The following KLRD1 variants were observed in gnomAD, a reference collection of about 807,000 sequenced individuals.
KLRD1 encodes killer cell lectin like receptor D1.
KLRD1 carries 21 observed loss-of-function variants against 22.6 expected under a neutral mutation model. That is an observed-to-expected ratio of 0.93 (90% CI 0.66 to 1.34). The LOEUF (loss-of-function observed/expected upper bound fraction) is 1.34. Ranked by LOEUF, KLRD1 falls within the 40% of genes most tolerant of loss-of-function variation. The probability of loss-of-function intolerance (pLI) is 0.00; values close to 1 mark genes in which losing one functional copy is unlikely to be tolerated. For synonymous variants in KLRD1, 59 were observed against 71.1 expected (o/e 0.83, Z 0.85); for missense variants, 183 against 208.6 (o/e 0.88, Z 0.76).
At position 10,277,319 on chromosome 12, in the gene KLRD1, G is replaced by A. The variant is rs151051448; in HGVS notation, c.-100-30659G>A. 4.5e-4 allele frequency among the ~76,000 whole-genome samples: 69 copies of A among 151,868 alleles called. No individual in the cohort carries two copies. The Middle Eastern group carries it at 0.01, about 22-fold the overall frequency. On this transcript the variant is annotated intron_variant, in intron 1 of 5. Transcript: ENST00000544747. ...GAGCTAAGAAAAGCAAGGAGGAAGC[G>A]GAAAAGGGAAAAATATAAACAAATG... is the stretch of plus-strand genomic sequence containing the variant.
chr12:10,260,102 CATTCCCATCT>C lies in KLRD1; in HGVS notation c.-101+33870_-101+33879del, dbSNP rs1190344040. 1.8e-4 allele frequency among the ~76,000 whole-genome samples: 3 copies of C among 16,436 alleles called. No homozygotes were observed. The Non-Finnish European group carries it at 0.014, about 78-fold the overall frequency. 10.8% of individuals were successfully genotyped at this position (16,436 alleles called of 152,430 possible). On this transcript the variant is annotated intron_variant, in intron 1 of 5. Coordinates refer to the KLRD1 transcript ENST00000544747. ...ATGGAGTATAACTAGATGCTCATATCATTCCCATCTGTATAACTAAATGCTCATATCATTC... is the reference window on the plus strand; with the variant it reads ...ATGGAGTATAACTAGATGCTCATATCGTATAACTAAATGCTCATATCATTC...
chr12:10,309,588 C>A, intron 2 of KLRD1, 38 bp from the exon 3 acceptor site: 1 of 1,464,902 alleles, frequency 6.8e-7, no homozygotes, highest in South Asian at 1.1e-5. Context: ...TTCATAAACC[C>A]ATACCTAATT....
At position 10,328,669 on chromosome 12, in the gene KLRD1, T is replaced by C. The variant is rs936899847; in HGVS notation, c.*13876T>C. ...TCTGAACTAATCTTTATTATTTTCTTTATTCTTCTAAATTTGAACTTTGTT... is the reference window on the plus strand; with the variant it reads ...TCTGAACTAATCTTTATTATTTTCTCTATTCTTCTAAATTTGAACTTTGTT... On this transcript the variant is annotated 3_prime_UTR_variant, in exon 6 of 6. Transcript: ENST00000336164. 2.0e-5 allele frequency: 3 copies of C among 152,222 alleles called. No individual in the cohort carries two copies. The highest frequency in any genetic ancestry group is 7.2e-5 in the African/African-American group (3 of 41,462). The allele number at this position is 152,222 out of a possible 1,614,324, so 9.4% of individuals were successfully genotyped here.
intron 1 of KLRD1, among the ~76,000 whole-genome samples, chr12:10,248,567 T>C (rs12305994): frequency 7.3e-6 from 1 of 137,654 alleles, no homozygotes; most frequent in Non-Finnish European, 1.5e-5. Context: ...CCTTCCTTCC[T>C]TCCTTCCTTC....
In KLRD1 at chr12:10,328,484, G is replaced by T. The variant is rs1011314679; in HGVS notation, c.*13691G>T. 3.9e-5 allele frequency: 6 copies of T among 151,960 alleles called. No individual in the cohort carries two copies. The highest frequency in any genetic ancestry group is 1.5e-5 in the Non-Finnish European group (1 of 67,956). The allele number at this position is 151,960 out of a possible 1,614,324, so 9.4% of individuals were successfully genotyped here. A position where few individuals can be genotyped will look rare whatever the true frequency, so the allele number is the denominator to read the frequency against. On this transcript the variant is annotated 3_prime_UTR_variant, in exon 6 of 6. Coordinates refer to ENST00000336164, the MANE Select transcript of KLRD1 (RefSeq NM_002262.5). ...GTCTCTTACCATCTTTTATATTTCT[G>T]TGGCATCAGTTGCAATGTCTTATTT...
chr12:10,244,702 G>A (rs1485935492), intron 1 of KLRD1, among the ~76,000 whole-genome samples: 1 of 152,088 alleles, frequency 6.6e-6, no homozygotes, highest in Non-Finnish European at 1.5e-5. Context: ...AGAATCACTT[G>A]AACCTGGGAG....
intron 1 of KLRD1, among the ~76,000 whole-genome samples, chr12:10,291,489 A>C (rs982202986): frequency 6.6e-6 from 1 of 152,098 alleles, no homozygotes; most frequent in Non-Finnish European, 1.5e-5. Flanking sequence ...TTGTCATTTC[A>C]ACAATGTTCA....
Position 10,324,162 on chromosome 12 carries a change from G to A in KLRD1, c.*9369G>A, listed in dbSNP as rs575944376. 8.5e-5 allele frequency: 13 copies of A among 152,136 alleles called. No homozygotes were observed. The highest frequency in any genetic ancestry group is 2.6e-4 in the Admixed American group (4 of 15,242). The allele number at this position is 152,136 out of a possible 1,614,324, so 9.4% of individuals were successfully genotyped here. ...CAGGCGTGAGCCACCACATCCAGCC[G>A]ATTCCTTTTTACTTCTGAGAGTCTT... On this transcript the variant is annotated 3_prime_UTR_variant, in exon 6 of 6. Transcript: ENST00000336164.
intron 1 of KLRD1, among the ~76,000 whole-genome samples, chr12:10,250,615 G>A (rs1488405732): frequency 6.6e-6 from 1 of 151,906 alleles, no homozygotes; most frequent in African/African-American, 2.4e-5. Context: ...CCGCCACCAT[G>A]CCAGGCTAAT....
At position 10,319,312 on chromosome 12, in the gene KLRD1, G is replaced by A. The variant is rs996831538; in HGVS notation, c.*4519G>A. The A allele has an allele frequency of 3.3e-5, 5 of 152,158 alleles. No homozygotes were observed. In the South Asian group the frequency reaches 8.3e-4, roughly 25 times the overall value. The allele number at this position is 152,158 out of a possible 1,614,324, so 9.4% of individuals were successfully genotyped here. ...TTACAAATTTTGCTATATGAAAACAGTTATGTCTGTTACTATCAATCTGTG... is the reference window on the plus strand; with the variant it reads ...TTACAAATTTTGCTATATGAAAACAATTATGTCTGTTACTATCAATCTGTG... On this transcript the variant is annotated 3_prime_UTR_variant, in exon 6 of 6. Coordinates refer to ENST00000336164, the MANE Select transcript of KLRD1 (RefSeq NM_002262.5).
upstream of KLRD1, among the ~76,000 whole-genome samples, chr12:10,305,221 G>C (rs751925463): frequency 2.6e-5 from 4 of 152,102 alleles, no homozygotes; most frequent in Admixed American, 1.3e-4. Context: ...GGAGGAAGAG[G>C]GCATCTTCCT....
At chr12:10,244,112 G>A (rs535145748) in intron 1 of KLRD1, among the ~76,000 whole-genome samples, 8 of 152,188 alleles carry the variant, frequency 5.3e-5, no homozygotes, top group South Asian at 4.1e-4. Flanking sequence ...TTGGTCAAGC[G>A]CTCAGGCAAT....
intron 1 of KLRD1, among the ~76,000 whole-genome samples, chr12:10,288,242 C>CA (rs71300167): frequency 0.05 from 4,734 of 94,654 alleles, 356 homozygotes; most frequent in African/African-American, 0.16. Flanking sequence ...GACTCCGTCT[C>CA]AAAAAAAAAA....
chr12:10,294,780 C>T (rs1427203236), intron 1 of KLRD1, among the ~76,000 whole-genome samples: 2 of 152,164 alleles, frequency 1.3e-5, no homozygotes, highest in Non-Finnish European at 2.9e-5. Context: ...GTATCTTATC[C>T]ACTGCCCAGG....
intron 1 of KLRD1, among the ~76,000 whole-genome samples, chr12:10,239,959 A>G (rs1949225885): frequency 6.6e-6 from 1 of 152,052 alleles, no homozygotes; most frequent in Non-Finnish European, 1.5e-5. Flanking sequence ...CATTTTGCCC[A>G]ATGCTAAATT....
At chr12:10,304,041 C>A (rs1301458655), upstream of KLRD1, among the ~76,000 whole-genome samples, 1 of 152,174 alleles carries the variant, frequency 6.6e-6, no homozygotes, top group Non-Finnish European at 1.5e-5. Flanking sequence ...TTAACCAGTT[C>A]TTCAAGAAGG....
In KLRD1 at chr12:10,313,530, C is replaced by T; in HGVS notation, c.419+17C>T. The T allele has an allele frequency of 6.8e-7, 1 of 1,461,224 alleles. No homozygotes were observed. The highest frequency in any genetic ancestry group is 9.3e-7 in the Non-Finnish European group (1 of 1,071,374). 90.5% of individuals were successfully genotyped at this position (1,461,224 alleles called of 1,614,324 possible). ...CCAGTATCTGTAAGTTTCTGGCAAT[C>T]ATGGCGTTTTTTGCTCTTTATGAAT... is the stretch of plus-strand genomic sequence containing the variant. On this transcript the variant is annotated intron_variant, in intron 5 of 5. Transcript: ENST00000336164.
At chr12:10,288,049 CA>C in intron 1 of KLRD1, among the ~76,000 whole-genome samples, 1 of 141,004 alleles carries the variant, frequency 7.1e-6, no homozygotes, top group African/African-American at 2.7e-5. Flanking sequence ...GTCTGGGCGA[CA>C]GAGCGAGACT....
intron 1 of KLRD1, among the ~76,000 whole-genome samples, chr12:10,239,141 A>G (rs1490675752): frequency 6.6e-6 from 1 of 152,254 alleles, no homozygotes; most frequent in Non-Finnish European, 1.5e-5. Flanking sequence ...AAGATGAGAA[A>G]ATATTTTTAC....
Sources: allele counts gnomAD v4.1 joint callset (sites outside exome capture counted in the v4.1 genomes callset), GRCh38; gene constraint gnomAD v4.1.1; transcripts MANE v1.5; gene names NCBI Gene and HGNC (gene_info 2026-07-23, HGNC 2026-07-21).